IFRD1: variants seen among roughly 807,000 people sequenced by gnomAD.
IFRD1 encodes the protein interferon related developmental regulator 1, also known as interferon-related developmental regulator 1.
A neutral mutation model predicts 52.9 loss-of-function variants in IFRD1; 35 were observed. That is an observed-to-expected ratio of 0.66 (90% CI 0.51 to 0.88). The LOEUF (loss-of-function observed/expected upper bound fraction) is 0.88. IFRD1 is among the 40% of genes least tolerant of loss of function. The pLI is 0.00. For missense variants in IFRD1, 517 were observed against 550.8 expected (o/e 0.94, Z 0.61); for synonymous variants, 184 against 188.4 (o/e 0.98, Z 0.19).
At position 112,459,169 on chromosome 7, in the gene IFRD1, A is replaced by AT. The variant is rs1199932638; in HGVS notation, c.567+152dup. ...TTTGAGGCAGCGGTGAGCTATAATCATGCCACTGAACTGTAGCCTGGGAGA... is the reference window on the plus strand; with the variant it reads ...TTTGAGGCAGCGGTGAGCTATAATCATTGCCACTGAACTGTAGCCTGGGAGA... On this transcript the variant is annotated intron_variant, in intron 5 of 11. Coordinates refer to ENST00000403825, the MANE Select transcript of IFRD1 (RefSeq NM_001550.4). The AT allele has an allele frequency of 7.2e-6, 5 of 691,804 alleles. No homozygotes were observed. The Admixed American group carries it at 1.1e-4, about 15-fold the overall frequency. The allele number at this position is 691,804 out of a possible 1,614,324, so 42.9% of individuals were successfully genotyped here. A position where few individuals can be genotyped will look rare whatever the true frequency, so the allele number is the denominator to read the frequency against.
intron 1 of IFRD1, among the ~76,000 whole-genome samples, 177 bp from the exon 2 acceptor site, chr7:112,455,586 G>A (rs1795271615): frequency 6.6e-6 from 1 of 152,108 alleles, no homozygotes; most frequent in Non-Finnish European, 1.5e-5. Flanking sequence ...TACGTAATTA[G>A]GTGAACTTAG....
intron 1 of IFRD1, among the ~76,000 whole-genome samples, chr7:112,424,254 G>A (rs1368711632): frequency 6.6e-6 from 1 of 152,100 alleles, no homozygotes; most frequent in Non-Finnish European, 1.5e-5. Flanking sequence ...TACTCTCCAG[G>A]TGGCAGAGAG....
chr7:112,463,997 T>C (rs1178097286), intron 8 of IFRD1, among the ~76,000 whole-genome samples: 3 of 150,748 alleles, frequency 2.0e-5, no homozygotes, highest in Non-Finnish European at 4.4e-5. Context: ...AGGACAAAAA[T>C]GAACTGGGTT....
chr7:112,471,554 C>T (rs1253800352), intron 9 of IFRD1, among the ~76,000 whole-genome samples: 1 of 152,144 alleles, frequency 6.6e-6, no homozygotes, highest in African/African-American at 2.4e-5. Flanking sequence ...TTCTTCTTAA[C>T]AAGTTCTGCC....
At chr7:112,457,075 A>G in intron 4 of IFRD1, 37 bp downstream of exon 4, 1 of 1,604,360 alleles carries the variant, frequency 6.2e-7, no homozygotes, top group East Asian at 2.2e-5. Context: ...ACGTACAACT[A>G]ATAAGGAGTG....
chr7:112,474,866 T>C (rs1391985459), intron 11 of IFRD1, among the ~76,000 whole-genome samples: 2 of 152,218 alleles, frequency 1.3e-5, no homozygotes, highest in East Asian at 3.8e-4. Flanking sequence ...TTGATGTCCA[T>C]TTTTCACTGT....
intron 1 of IFRD1, 47 bp from the exon 2 acceptor site, chr7:112,455,716 G>A: frequency 5.0e-6 from 6 of 1,202,910 alleles, no homozygotes; most frequent in Non-Finnish European, 7.4e-6. Flanking sequence ...AAATATTTAG[G>A]TATATGGCAA....
chr7:112,425,077 C>T (rs1326854501), intron 1 of IFRD1, among the ~76,000 whole-genome samples: 1 of 152,106 alleles, frequency 6.6e-6, no homozygotes, highest in Non-Finnish European at 1.5e-5. Flanking sequence ...ATGATTGTAG[C>T]TCACTGCAGC....
In IFRD1 at chr7:112,429,803, T is replaced by A. The variant is rs926369577; in HGVS notation, c.-182+6371T>A. Among the ~76,000 whole-genome samples the A allele has an allele frequency of 3.3e-5, 5 of 152,350 alleles. No individual in the cohort carries two copies. In the South Asian group the frequency reaches 8.3e-4, roughly 25 times the overall value. ...AAAGAATATACTCTGCAACCTCATGTTACAAAAATTGCAGCTTGGTTAAGT... is the reference window on the plus strand; with the variant it reads ...AAAGAATATACTCTGCAACCTCATGATACAAAAATTGCAGCTTGGTTAAGT... On this transcript the variant is annotated intron_variant, in intron 1 of 12. Coordinates refer to the IFRD1 transcript ENST00000005558.
intron 4 of IFRD1, chr7:112,457,587 A>C (rs1795327541): frequency 6.5e-6 from 1 of 153,060 alleles, no homozygotes. Context: ...CCAAATTTAA[A>C]AAGACTTGTG....
chr7:112,426,209 T>G (rs893778756), intron 1 of IFRD1, among the ~76,000 whole-genome samples: 1 of 152,272 alleles, frequency 6.6e-6, no homozygotes, highest in East Asian at 1.9e-4. Context: ...AAACCTGTCC[T>G]TAAAAAAATA....
chr7:112,459,077 C>T (rs1250563187), intron 5 of IFRD1, 59 bp downstream of exon 5: 43 of 1,394,882 alleles, frequency 3.1e-5, no homozygotes, highest in Middle Eastern at 2.2e-4. Flanking sequence ...AGACGTGGTG[C>T]GCCTATAGTA....
chr7:112,470,837 GGAAA>G lies in IFRD1; in HGVS notation c.1042-1374_1042-1371del, dbSNP rs1170034383. On this transcript the variant is annotated intron_variant, in intron 9 of 11. Transcript: ENST00000403825. ...TATACTTTATTGTTTAGGGAATAGT[GGAAA>G]GAAAGAATAGTCTATACATGTTCAG... 2.6e-5 allele frequency among the ~76,000 whole-genome samples: 4 copies of G among 152,170 alleles called. No homozygotes were observed. The East Asian group carries it at 7.7e-4, about 29-fold the overall frequency.
chr7:112,451,161 G>A, intron 1 of IFRD1: 1 of 210,508 alleles, frequency 4.8e-6, no homozygotes, highest in South Asian at 6.0e-5. Flanking sequence ...GGGGAGTTGA[G>A]CCCGTGCCGT....
At chr7:112,428,831 C>T (rs186620306) in intron 1 of IFRD1, among the ~76,000 whole-genome samples, 5 of 152,256 alleles carry the variant, frequency 3.3e-5, no homozygotes, top group South Asian at 4.1e-4. Context: ...CCACCCTGCC[C>T]GTCCCCTTTC....
At chr7:112,448,123 A>AT (rs1049136350), upstream of IFRD1, among the ~76,000 whole-genome samples, 3 of 98,922 alleles carry the variant, frequency 3.0e-5, no homozygotes, top group African/African-American at 1.1e-4. Context: ...GGGCCTGTAG[A>AT]TTTAAAAAAA....
chr7:112,462,371 TAG>T lies in IFRD1; in HGVS notation c.904_905del (p.Ser302Ter). On this transcript the variant is annotated frameshift_variant, in exon 8 of 12. Coordinates refer to ENST00000403825, the MANE Select transcript of IFRD1 (RefSeq NM_001550.4). LOFTEE classifies it high-confidence loss of function. ...CTTCTCTTTGAATTGGCCAGAGGAA[TAG>T]AGAGTGTAAGTATCTAACTGGCAGA... is the stretch of plus-strand genomic sequence containing the variant. 1 of 1,604,442 alleles carries T rather than the reference TAG, an allele frequency of 6.2e-7. No homozygotes were observed. Among genetic ancestry groups the T allele is most frequent in the Non-Finnish European group, 8.5e-7 (1 of 1,171,448 alleles).
rs781686217 is a variant in IFRD1 at position 112,462,197 on chromosome 7, C to T, written c.797+18C>T. On this transcript the variant is annotated intron_variant, in intron 7 of 11. Coordinates refer to ENST00000403825, the MANE Select transcript of IFRD1 (RefSeq NM_001550.4). ...CTTGAGATGTATGTATTTTTAGTTT[C>T]ATATTTTATAAAAGCAACATTTAGT... The T allele has an allele frequency of 1.2e-6, 2 of 1,612,782 alleles. No individual in the cohort carries two copies. Among genetic ancestry groups the T allele is most frequent in the African/African-American group, 1.3e-5 (1 of 74,992 alleles).
intron 1 of IFRD1, among the ~76,000 whole-genome samples, chr7:112,435,067 G>A (rs1338142458): frequency 6.6e-6 from 1 of 152,190 alleles, no homozygotes. Context: ...ATTGTGCTAT[G>A]ACTAAATATT....
Sources: allele counts gnomAD v4.1 joint callset (sites outside exome capture counted in the v4.1 genomes callset), GRCh38; gene constraint gnomAD v4.1.1; transcripts MANE v1.5; gene names NCBI Gene and HGNC (gene_info 2026-07-23, HGNC 2026-07-21).